Variants in UBE2U observed in about 807,000 individuals in gnomAD.
The protein encoded by UBE2U is ubiquitin-conjugating enzyme E2 U.
UBE2U carries 39 observed loss-of-function variants against 41.2 expected under a neutral mutation model. The ratio of observed to expected loss-of-function variants is 0.95; its 90% confidence interval spans 0.73 to 1.24. The LOEUF is 1.24. Among genes scored for constraint, UBE2U ranks in the 50% most tolerant of loss-of-function variants. The pLI is 0.00. For synonymous variants in UBE2U, 107 were observed against 117.8 expected (o/e 0.91, Z 0.60); for missense variants, 336 against 363.1 (o/e 0.93, Z 0.61).
chr1:64,224,722 CAAAA>C (rs5774690), intron 6 of UBE2U, among the ~76,000 whole-genome samples: 1 of 133,190 alleles, frequency 7.5e-6, no homozygotes, highest in Admixed American at 7.8e-5. Context: ...GACTCTGTGT[CAAAA>C]AAAAAAAAAA....
intron 9 of UBE2U, among the ~76,000 whole-genome samples, chr1:64,261,914 A>G (rs1233632955): frequency 1.3e-5 from 2 of 152,180 alleles, no homozygotes; most frequent in African/African-American, 2.4e-5. Flanking sequence ...CAGGTCTAAA[A>G]TACTTTGTTT....
At chr1:64,235,011 G>C (rs1644638975) in intron 7 of UBE2U, among the ~76,000 whole-genome samples, 1 of 152,022 alleles carries the variant, frequency 6.6e-6, no homozygotes, top group African/African-American at 2.4e-5. Context: ...AGGGCCACTT[G>C]GAAACTCCAA....
intron 6 of UBE2U, among the ~76,000 whole-genome samples, chr1:64,226,039 T>C (rs1271287190): frequency 2.0e-5 from 3 of 152,202 alleles, no homozygotes; most frequent in Non-Finnish European, 4.4e-5. Flanking sequence ...ATGAAAAATA[T>C]ATGTTCACAG....
At chr1:64,265,487 C>T (rs571494897) in intron 9 of UBE2U, among the ~76,000 whole-genome samples, 33 of 152,152 alleles carry the variant, frequency 2.2e-4, no homozygotes, top group African/African-American at 7.2e-4. Context: ...ATATTAGTAC[C>T]GAAAGTACAA....
At chr1:64,239,157 A>AAGAAGAAGGAGAAGAAGAAGGAGAAGAAG in intron 7 of UBE2U, among the ~76,000 whole-genome samples, 2 of 37,064 alleles carry the variant, frequency 5.4e-5, no homozygotes, top group African/African-American at 1.7e-4. Context: ...GAAGAAGAAG[A>AAGAAGAAGGAGAAGAAGAAGGAGAAGAAG]AAGAAGAAGA....
rs1172010944 is a variant in UBE2U, at chr1:64,267,250, T to C, written c.*42T>C. The C allele has an allele frequency of 1.4e-6, 2 of 1,414,710 alleles. No individual in the cohort carries two copies. The highest frequency in any genetic ancestry group is 1.7e-5 in the South Asian group (1 of 60,178). The allele number at this position is 1,414,710 out of a possible 1,614,324, so 87.6% of individuals were successfully genotyped here. A position where few individuals can be genotyped will look rare whatever the true frequency, so the allele number is the denominator to read the frequency against. On this transcript the variant is annotated 3_prime_UTR_variant, in exon 10 of 10. Coordinates refer to ENST00000371077, the MANE Select transcript of UBE2U (RefSeq NM_001366232.2). ...TTCAAAAAATAAACAGCCTCCGCCA[T>C]AGCCCAGCGTTGTGGAGCAATTTTG...
intron 6 of UBE2U, among the ~76,000 whole-genome samples, chr1:64,223,608 A>C (rs1364424270): frequency 6.6e-6 from 1 of 152,162 alleles, no homozygotes. Flanking sequence ...TGCAATCAGC[A>C]TTTTATTGGG....
intron 6 of UBE2U, among the ~76,000 whole-genome samples, chr1:64,229,990 T>G (rs1194623716): frequency 1.3e-5 from 2 of 152,240 alleles, no homozygotes; most frequent in African/African-American, 4.8e-5. Flanking sequence ...CGTATTTTAC[T>G]TCAGTTTCTC....
chr1:64,239,118 AAG>A (rs1491444704), intron 7 of UBE2U, among the ~76,000 whole-genome samples: 6 of 18,122 alleles, frequency 3.3e-4, no homozygotes, highest in South Asian at 3.5e-3. Context: ...GAAGAAGAAG[AAG>A]AAGAAGAAGA....
chr1:64,205,019 G>A (rs1472806098), intron 1 of UBE2U, among the ~76,000 whole-genome samples: 1 of 152,166 alleles, frequency 6.6e-6, no homozygotes, highest in Non-Finnish European at 1.5e-5. Context: ...AGATAATAGA[G>A]AGACAGGGCT....
intron 5 of UBE2U, among the ~76,000 whole-genome samples, chr1:64,217,459 A>T (rs985134760): frequency 6.6e-5 from 10 of 152,174 alleles, no homozygotes; most frequent in African/African-American, 2.4e-4. Flanking sequence ...CATATGAGCA[A>T]TTATCTGCCC....
intron 7 of UBE2U, among the ~76,000 whole-genome samples, chr1:64,236,988 A>T (rs1644678512): frequency 6.6e-6 from 1 of 152,288 alleles, no homozygotes; most frequent in African/African-American, 2.4e-5. Context: ...TACAATGTGC[A>T]ACCAAGGCTG....
At chr1:64,204,812 G>A (rs1651190033) in intron 1 of UBE2U, among the ~76,000 whole-genome samples, 1 of 152,170 alleles carries the variant, frequency 6.6e-6, no homozygotes, top group Non-Finnish European at 1.5e-5. Flanking sequence ...AGTTGCTTCA[G>A]GTGTAGTTCA....
At chr1:64,239,084 G>GAA (rs1557729519) in intron 7 of UBE2U, among the ~76,000 whole-genome samples, 6 of 58,862 alleles carry the variant, frequency 1.0e-4, no homozygotes, top group African/African-American at 2.1e-4. Context: ...GGAAGAGGAA[G>GAA]AGGAAGAGGA....
At chr1:64,228,967 T>C (rs554672080) in intron 6 of UBE2U, among the ~76,000 whole-genome samples, 3 of 151,856 alleles carry the variant, frequency 2.0e-5, no homozygotes, top group Admixed American at 1.3e-4. Flanking sequence ...TTCAAGCAAT[T>C]TTCCTGTCTC....
At chr1:64,207,903 G>T (rs1485931630) in intron 3 of UBE2U, among the ~76,000 whole-genome samples, 5 of 152,092 alleles carry the variant, frequency 3.3e-5, no homozygotes, top group Non-Finnish European at 7.4e-5. Flanking sequence ...TATTTGCAAT[G>T]CATGTAACAG....
intron 5 of UBE2U, among the ~76,000 whole-genome samples, chr1:64,219,586 A>ATT (rs35981131): frequency 5.5e-4 from 76 of 138,456 alleles, no homozygotes; most frequent in Middle Eastern, 3.8e-3. Context: ...TGATCCTCTA[A>ATT]TTTTTTTTTT....
In UBE2U at chr1:64,210,773, C is replaced by T; in HGVS notation, c.273C>T (p.Asp91=). The T allele has an allele frequency of 6.9e-6, 11 of 1,604,714 alleles. No individual in the cohort carries two copies. Among genetic ancestry groups the T allele is most frequent in the Non-Finnish European group, 9.4e-6 (11 of 1,174,326 alleles). Residue 91 remains aspartate (D), a synonymous_variant, in exon 4 of 10, where the codon GAC becomes GAT. Coordinates refer to ENST00000371077, the MANE Select transcript of UBE2U (RefSeq NM_001366232.2). The part of the protein sequence containing the change: ...VDPHTGQPCI[D]FLDNPEKWNT... ...CACACACTGGTCAGCCCTGTATAGA[C>T]TTTTTGGACAACCCTGAGAAGTGGA...
At chr1:64,244,809 C>T (rs1379609976) in intron 8 of UBE2U, among the ~76,000 whole-genome samples, 1 of 152,126 alleles carries the variant, frequency 6.6e-6, no homozygotes, top group African/African-American at 2.4e-5. Context: ...GTTTGTGTCC[C>T]TTTGCATTCT....
Sources: gnomAD v4.1 joint callset for allele counts (sites outside exome capture counted in the v4.1 genomes callset) on GRCh38, gnomAD v4.1.1 for gene constraint, MANE v1.5 for transcripts, NCBI Gene and HGNC (gene_info 2026-07-23, HGNC 2026-07-21) for gene names.